The following CA11 variants were observed in gnomAD, a reference collection of about 807,000 sequenced individuals.
CA11 encodes carbonic anhydrase 11 (inactive).
In CA11, 20 loss-of-function variants were observed where a neutral mutation model predicts 39.3. The ratio of observed to expected loss-of-function variants is 0.51; its 90% CI spans 0.36 to 0.74. The LOEUF (loss-of-function observed/expected upper bound fraction) is 0.74. Among genes scored for constraint, CA11 ranks in the 30% least tolerant of loss-of-function variants. CA11 has a pLI of 0.00. For missense variants in CA11, 336 were observed against 424.6 expected (o/e 0.79, Z 1.83); for synonymous variants, 166 against 172.5 (o/e 0.96, Z 0.29).
In CA11 at chr19:48,644,533, C is replaced by T. The variant is rs1328537466; in HGVS notation, c.179G>A (p.Ser60Asn). 1 of 1,608,570 alleles carries T rather than the reference C, an allele frequency of 6.2e-7. No individual in the cohort carries two copies. Residue 60 changes from serine (S) to asparagine (N), a missense_variant, in exon 3 of 9, where the codon AGT (serine) becomes AAT (asparagine). Coordinates refer to ENST00000084798, the MANE Select transcript of CA11 (RefSeq NM_001217.5). ...PFWGLVNAAW[S>N]LCAVGKRQSP... ...CTGCCGCTTCCCCACAGCACACAGA[C>T]TCCACGCTGCATTCACCAGGCCCCA... is the stretch of plus-strand genomic sequence containing the variant.
intron 2 of CA11, 139 bp downstream of exon 2, chr19:48,645,264 G>A: frequency 1.4e-6 from 1 of 696,572 alleles, no homozygotes; most frequent in Admixed American, 2.7e-5. Flanking sequence ...TCAGAAGCTG[G>A]CCCGACTCCT....
chr19:48,639,130 C>T, intron 7 of CA11, 77 bp from the exon 8 acceptor site: 1 of 1,580,210 alleles, frequency 6.3e-7, no homozygotes, highest in Non-Finnish European at 8.6e-7. Flanking sequence ...AACCCCGCCC[C>T]TGGGAGCAGG....
At chr19:48,644,607 A>G in intron 2 of CA11, 38 bp from the exon 3 acceptor site, 4 of 1,486,802 alleles carry the variant, frequency 2.7e-6, no homozygotes, top group Non-Finnish European at 3.6e-6. Context: ...AAGGAGTCAG[A>G]AATAGAGACT....
At position 48,645,986 on chromosome 19, in the gene CA11, G is replaced by A; in HGVS notation, c.-354C>T. 2.4e-6 allele frequency: 1 copy of A among 416,014 alleles called. No individual in the cohort carries two copies. The allele number at this position is 416,014 out of a possible 1,614,324, so 25.8% of individuals were successfully genotyped here. A position where few individuals can be genotyped will look rare whatever the true frequency, so the allele number is the denominator to read the frequency against. ...CTCCTCTCCGTTCTCTTTTCATTAAGCTCTCCCAAGCCACCTAACTCCAGG... is the reference window on the plus strand; with the variant it reads ...CTCCTCTCCGTTCTCTTTTCATTAAACTCTCCCAAGCCACCTAACTCCAGG... On this transcript the variant is annotated 5_prime_UTR_variant, in exon 1 of 9. Transcript: ENST00000084798.
intron 7 of CA11, 91 bp downstream of exon 7, chr19:48,639,214 T>G: frequency 6.5e-7 from 1 of 1,546,672 alleles, no homozygotes; most frequent in Non-Finnish European, 8.8e-7. Flanking sequence ...GTTCAGTCTA[T>G]GAGGAGAGGG....
rs2147724532 is a variant in CA11 at position 48,645,988 on chromosome 19, T to C, written c.-356A>G. On this transcript the variant is annotated 5_prime_UTR_variant, in exon 1 of 9. Transcript: ENST00000084798. The stretch of plus-strand genomic sequence containing the variant: ...CCTCTCCGTTCTCTTTTCATTAAGC[T>C]CTCCCAAGCCACCTAACTCCAGGTC... 1 of 415,864 alleles carries C rather than the reference T, an allele frequency of 2.4e-6. No homozygotes were observed. The highest frequency in any genetic ancestry group is 4.2e-6 in the Non-Finnish European group (1 of 236,574). The allele number at this position is 415,864 out of a possible 1,614,324, so 25.8% of individuals were successfully genotyped here. A position where few individuals can be genotyped will look rare whatever the true frequency, so the allele number is the denominator to read the frequency against.
chr19:48,639,494 G>A (rs750908345), intron 6 of CA11, 35 bp from the exon 7 acceptor site: 1 of 1,613,686 alleles, frequency 6.2e-7, no homozygotes, highest in Non-Finnish European at 8.5e-7. Flanking sequence ...AAGAGGGATG[G>A]CACTCTTGAA....
Position 48,645,449 on chromosome 19 carries a change from C to T in CA11, c.96G>A (p.Glu32=), listed in dbSNP as rs986791956. The change falls in exon 2 of 9, where the codon GAG becomes GAA. Residue 32 remains glutamate, a synonymous_variant. Coordinates refer to ENST00000084798, the MANE Select transcript of CA11 (RefSeq NM_001217.5). The stretch of plus-strand genomic sequence containing the variant: ...GATTATCCTTGTAGCTCCACCAGTC[C>T]TCGGGGTCAGGTGCTGGTCCGATGT... ...AAHIGPAPDP[E]DWWSYKDNLQ... is the part of the protein sequence containing the mutation. 1.2e-6 allele frequency: 2 copies of T among 1,602,626 alleles called. No individual in the cohort carries two copies. The highest frequency in any genetic ancestry group is 2.2e-5 in the East Asian group (1 of 44,578).
At chr19:48,640,301 G>A (rs377706774) in intron 3 of CA11, 21 bp from the exon 4 acceptor site, 426 of 1,601,678 alleles carry the variant, frequency 2.7e-4, no homozygotes, top group Admixed American at 6.2e-4. Context: ...GGCGGGAGCT[G>A]TCAGGGGGCA....
intron 3 of CA11, among the ~76,000 whole-genome samples, chr19:48,641,318 T>C (rs1185161956): frequency 3.3e-5 from 5 of 152,238 alleles, no homozygotes; most frequent in African/African-American, 1.2e-4. Context: ...ATTTGAACAC[T>C]GACCACTTTC....
Position 48,639,539 on chromosome 19 carries a change from A to G in CA11, c.640+10T>C. The stretch of plus-strand genomic sequence containing the variant: ...GTGTGACCACTGCCCCCAGCACGCC[A>G]GGGACTTACTCTTGTAGGAGATGCG... On this transcript the variant is annotated intron_variant, in intron 6 of 8. Transcript: ENST00000084798. The G allele has an allele frequency of 6.2e-7, 1 of 1,613,886 alleles. No homozygotes were observed. Among genetic ancestry groups the G allele is most frequent in the Non-Finnish European group, 8.5e-7 (1 of 1,179,868 alleles).
rs751923597 is a variant in CA11 at position 48,645,532 on chromosome 19, C to T, written c.67+34G>A. 7.5e-6 allele frequency: 12 copies of T among 1,596,852 alleles called. No individual in the cohort carries two copies. The Admixed American group carries it at 2.1e-4, about 28-fold the overall frequency. On this transcript the variant is annotated intron_variant, in intron 1 of 8. Coordinates refer to ENST00000084798, the MANE Select transcript of CA11 (RefSeq NM_001217.5). Reference sequence around the variant, plus strand: ...CTTGGCATCCCCACCTCCACCCTCCCTCGGGGGCTCCTCCCGGGAACCCCA... The same window carrying T: ...CTTGGCATCCCCACCTCCACCCTCCTTCGGGGGCTCCTCCCGGGAACCCCA...
At chr19:48,645,518 CA>C in intron 1 of CA11, 41 bp from the exon 2 acceptor site, 1 of 1,597,384 alleles carries the variant, frequency 6.3e-7, no homozygotes, top group African/African-American at 1.3e-5. Context: ...TTGGCATCCC[CA>C]CCTCCACCCT....
rs1011744103 is a variant in CA11 at position 48,645,687 on chromosome 19, T to C, written c.-55A>G. 4 of 1,371,168 alleles carry C rather than the reference T, an allele frequency of 2.9e-6. No homozygotes were observed. Among genetic ancestry groups the C allele is most frequent in the Non-Finnish European group, 3.9e-6 (4 of 1,029,858 alleles). 84.9% of individuals were successfully genotyped at this position (1,371,168 alleles called of 1,614,324 possible). A position where few individuals can be genotyped will look rare whatever the true frequency, so the allele number is the denominator to read the frequency against. ...CAACGCCCTGCCCCCCTCTCTCAGC[T>C]CCTCTGTCCCCTCCTTCTGGGACCC... is the stretch of plus-strand genomic sequence containing the variant. On this transcript the variant is annotated 5_prime_UTR_variant, in exon 1 of 9. Coordinates refer to ENST00000084798, the MANE Select transcript of CA11 (RefSeq NM_001217.5).
chr19:48,642,921 C>T (rs1465029348), intron 3 of CA11, among the ~76,000 whole-genome samples: 6 of 152,086 alleles, frequency 3.9e-5, no homozygotes, highest in East Asian at 3.9e-4. Flanking sequence ...AAGGCAGTGC[C>T]GGCTCTTATA....
At chr19:48,642,241 G>A (rs2031110031) in intron 3 of CA11, among the ~76,000 whole-genome samples, 4 of 152,328 alleles carry the variant, frequency 2.6e-5, no homozygotes, top group Admixed American at 2.6e-4. Context: ...GCTCACGCCT[G>A]TAATCCCAGC....
Position 48,644,511 on chromosome 19 carries a change from C to T in CA11, c.201G>A (p.Arg67=). The change falls in exon 3 of 9, where the codon CGG becomes CGA. Residue 67 remains arginine (R), a synonymous_variant. Coordinates refer to ENST00000084798, the MANE Select transcript of CA11 (RefSeq NM_001217.5). The stretch of plus-strand genomic sequence containing the variant: ...TCAGCTCCACATCCACGGGGCTCTG[C>T]CGCTTCCCCACAGCACACAGACTCC... ...AAWSLCAVGK[R]QSPVDVELKR... The T allele has an allele frequency of 6.2e-7, 1 of 1,611,632 alleles. No homozygotes were observed. The highest frequency in any genetic ancestry group is 8.5e-7 in the Non-Finnish European group (1 of 1,178,462).
At chr19:48,638,495 G>T in intron 8 of CA11, 2 of 364,552 alleles carry the variant, frequency 5.5e-6, no homozygotes, top group Non-Finnish European at 4.5e-6. Context: ...TTCTCAGTAA[G>T]GGGGAAGGGA....
At position 48,639,774 on chromosome 19, in the gene CA11, T is replaced by C; in HGVS notation, c.567+14A>G. 2 of 1,612,882 alleles carry C rather than the reference T, an allele frequency of 1.2e-6. No homozygotes were observed. The highest frequency in any genetic ancestry group is 1.7e-6 in the Non-Finnish European group (2 of 1,179,042). On this transcript the variant is annotated intron_variant, in intron 5 of 8. Coordinates refer to ENST00000084798, the MANE Select transcript of CA11 (RefSeq NM_001217.5). ...CCCAACTGCTCCCTCCCTCTGAATC[T>C]CGCCTCCGCTCACGTTGACAAAGAG...
Sources: gnomAD v4.1 joint callset for allele counts (sites outside exome capture counted in the v4.1 genomes callset) on GRCh38, gnomAD v4.1.1 for gene constraint, MANE v1.5 for transcripts, NCBI Gene and HGNC (gene_info 2026-07-23, HGNC 2026-07-21) for gene names.